CNBD1: variants seen among roughly 807,000 people sequenced by gnomAD.
CNBD1 encodes the protein cyclic nucleotide binding domain containing 1, also known as cyclic nucleotide-binding domain-containing protein 1.
CNBD1 carries 71 observed loss-of-function variants against 54.4 expected under a neutral mutation model. The ratio of observed to expected loss-of-function variants is 1.30; its 90% CI spans 1.08 to 1.59. The LOEUF is 1.59. CNBD1 is among the 40% of genes most tolerant of loss of function. The pLI is 0.00. For missense variants in CNBD1, 659 were observed against 518.0 expected (o/e 1.27, Z -2.64); for synonymous variants, 182 against 170.7 (o/e 1.07, Z -0.51).
intron 4 of CNBD1, among the ~76,000 whole-genome samples, chr8:87,055,763 T>C (rs1217720967): frequency 1.3e-5 from 2 of 150,948 alleles, no homozygotes; most frequent in East Asian, 3.9e-4. Flanking sequence ...TCCTTCCTTC[T>C]ACCCCACCTT....
At chr8:87,346,251 G>A (rs760463665) in intron 8 of CNBD1, among the ~76,000 whole-genome samples, 3 of 151,966 alleles carry the variant, frequency 2.0e-5, no homozygotes, top group Non-Finnish European at 4.4e-5. Context: ...ATGTTGGGTA[G>A]GCTTGTCTTG....
chr8:87,424,296 G>T (rs1164848702), intron 2 of CNBD1, among the ~76,000 whole-genome samples: 1 of 151,894 alleles, frequency 6.6e-6, no homozygotes, highest in Non-Finnish European at 1.5e-5. Context: ...TCTGATTTTA[G>T]TTACTTCTTG....
intron 2 of CNBD1, among the ~76,000 whole-genome samples, chr8:87,419,865 A>C (rs969854302): frequency 1.5e-4 from 23 of 151,536 alleles, no homozygotes; most frequent in South Asian, 1.2e-3. Flanking sequence ...GAATTATTTA[A>C]TTCGCCCATG....
intron 4 of CNBD1, among the ~76,000 whole-genome samples, chr8:87,056,638 G>A (rs1315096056): frequency 6.6e-6 from 1 of 151,828 alleles, no homozygotes; most frequent in Non-Finnish European, 1.5e-5. Context: ...GACCAAAAAA[G>A]TCCCTCAACT....
chr8:86,958,468 T>C (rs562948794), intron 4 of CNBD1, among the ~76,000 whole-genome samples: 1 of 152,322 alleles, frequency 6.6e-6, no homozygotes, highest in South Asian at 2.1e-4. Flanking sequence ...AGTCTAAGTC[T>C]CTTTGTTGGT....
chr8:86,942,255 T>A (rs1385231510), intron 4 of CNBD1, among the ~76,000 whole-genome samples: 4 of 152,302 alleles, frequency 2.6e-5, no homozygotes, highest in South Asian at 2.1e-4. Context: ...TTCTCTCCTC[T>A]TCTCCTTGGG....
intron 8 of CNBD1, among the ~76,000 whole-genome samples, chr8:87,349,927 G>A (rs28484756): frequency 6.6e-6 from 1 of 152,078 alleles, no homozygotes; most frequent in South Asian, 2.1e-4. Flanking sequence ...CCTCTTTGTT[G>A]TTATATATAC....
At chr8:87,339,777 T>A (rs1251986178) in intron 8 of CNBD1, among the ~76,000 whole-genome samples, 2 of 152,244 alleles carry the variant, frequency 1.3e-5, no homozygotes, top group East Asian at 3.9e-4. Flanking sequence ...TAAGTGCAAT[T>A]ACATACAATG....
At chr8:86,969,500 G>A (rs1808170442) in intron 4 of CNBD1, among the ~76,000 whole-genome samples, 1 of 151,982 alleles carries the variant, frequency 6.6e-6, no homozygotes, top group Non-Finnish European at 1.5e-5. Context: ...TTACTTAACA[G>A]TGAACTAATT....
chr8:87,040,188 T>G (rs1450237431), intron 4 of CNBD1, among the ~76,000 whole-genome samples: 1 of 152,198 alleles, frequency 6.6e-6, no homozygotes, highest in Admixed American at 6.5e-5. Context: ...GAAGGGGGGT[T>G]TTTTGAGACA....
intron 5 of CNBD1, among the ~76,000 whole-genome samples, chr8:87,223,939 T>G (rs915128499): frequency 6.6e-5 from 10 of 152,354 alleles, no homozygotes; most frequent in African/African-American, 2.4e-4. Flanking sequence ...CCATTCTAAC[T>G]GGTGTGAGAT....
chr8:87,300,996 C>T (rs1242775243), intron 8 of CNBD1, among the ~76,000 whole-genome samples: 1 of 151,928 alleles, frequency 6.6e-6, no homozygotes, highest in Non-Finnish European at 1.5e-5. Flanking sequence ...AATAACCCCA[C>T]TAAGAAACAA....
At chr8:86,879,497 T>A (rs943814704) in intron 1 of CNBD1, among the ~76,000 whole-genome samples, 2 of 152,154 alleles carry the variant, frequency 1.3e-5, no homozygotes, top group African/African-American at 4.8e-5. Flanking sequence ...TTTTTTAAGT[T>A]GAGTAATGAT....
At chr8:87,285,964 G>C (rs1419447557) in intron 7 of CNBD1, among the ~76,000 whole-genome samples, 1 of 152,188 alleles carries the variant, frequency 6.6e-6, no homozygotes, top group East Asian at 1.9e-4. Flanking sequence ...GCCAGGTGCA[G>C]GTCCTGCAGA....
chr8:86,973,532 A>G (rs1808271448), intron 4 of CNBD1, among the ~76,000 whole-genome samples: 1 of 152,234 alleles, frequency 6.6e-6, no homozygotes, highest in Admixed American at 6.5e-5. Context: ...TACATAATAA[A>G]TGACTCTAGC....
chr8:87,361,113 G>A (rs1011400526), intron 10 of CNBD1, among the ~76,000 whole-genome samples: 1 of 151,808 alleles, frequency 6.6e-6, no homozygotes, highest in Admixed American at 6.6e-5. Flanking sequence ...TTGCGTTTTT[G>A]CATTGTGATT....
intron 4 of CNBD1, among the ~76,000 whole-genome samples, chr8:87,013,974 TAAA>T (rs964505286): frequency 1.4e-5 from 2 of 144,474 alleles, no homozygotes; most frequent in Non-Finnish European, 3.0e-5. Context: ...AAGTCTAAAA[TAAA>T]AAAAAAAGGA....
intron 8 of CNBD1, among the ~76,000 whole-genome samples, chr8:87,326,443 A>T (rs901386179): frequency 7.9e-6 from 1 of 126,832 alleles, no homozygotes; most frequent in East Asian, 2.0e-4. Context: ...AGGTACACCA[A>T]TCAGACATAG....
intron 2 of CNBD1, among the ~76,000 whole-genome samples, chr8:87,423,058 T>C (rs549552648): frequency 9.2e-5 from 14 of 151,996 alleles, no homozygotes; most frequent in African/African-American, 3.4e-4. Flanking sequence ...AGTTCACTCA[T>C]GATTTGGCTC....
Sources: gnomAD v4.1 joint callset for allele counts (sites outside exome capture counted in the v4.1 genomes callset) on GRCh38, gnomAD v4.1.1 for gene constraint, MANE v1.5 for transcripts, NCBI Gene and HGNC (gene_info 2026-07-23, HGNC 2026-07-21) for gene names.